CMIP: variants seen among roughly 807,000 people sequenced by gnomAD.
CMIP encodes the protein c-Maf inducing protein.
A neutral mutation model predicts 97.3 loss-of-function variants in CMIP; 13 were observed. That is an observed-to-expected ratio of 0.13 (90% CI 0.09 to 0.21). The LOEUF is 0.21. Among genes scored for constraint, CMIP ranks in the 10% least tolerant of loss-of-function variants. The pLI is 1.00. For missense variants in CMIP, 847 were observed against 1,024.9 expected (o/e 0.83, Z 2.37); for synonymous variants, 538 against 436.3 (o/e 1.23, Z -2.91).
chr16:81,513,244 T>G (rs1289845295), intron 1 of CMIP, among the ~76,000 whole-genome samples: 1 of 152,230 alleles, frequency 6.6e-6, no homozygotes, highest in Non-Finnish European at 1.5e-5. Context: ...CCGTTGCTGC[T>G]CACCAGACCC....
intron 2 of CMIP, chr16:81,610,472 A>G: frequency 1.0e-6 from 1 of 986,034 alleles, no homozygotes; most frequent in South Asian, 4.7e-5. Flanking sequence ...TCAGATCCAG[A>G]GCCGGACTCC....
intron 8 of CMIP, among the ~76,000 whole-genome samples, chr16:81,670,483 C>G (rs146107066): frequency 2.0e-5 from 3 of 152,166 alleles, no homozygotes; most frequent in Non-Finnish European, 4.4e-5. Context: ...GTTTAGGACT[C>G]TGTCCCACCC....
intron 1 of CMIP, among the ~76,000 whole-genome samples, chr16:81,543,534 G>A (rs1035325930): frequency 2.0e-5 from 3 of 152,144 alleles, no homozygotes; most frequent in Non-Finnish European, 4.4e-5. Flanking sequence ...AGGAAGGGGG[G>A]TCAGGGTCGT....
rs567134434 is a variant in CMIP at position 81,528,204 on chromosome 16, T to A, written c.301-79363T>A. On this transcript the variant is annotated intron_variant, in intron 1 of 20. Transcript: ENST00000537098. ...TGGAGAAAAATATCCTTCACATTCATGACAACTTCATAGAAAAATAGTATT... is the reference window on the plus strand; with the variant it reads ...TGGAGAAAAATATCCTTCACATTCAAGACAACTTCATAGAAAAATAGTATT... Among the ~76,000 whole-genome samples the A allele has an allele frequency of 4.3e-4, 65 of 152,330 alleles. 1 individual carries two copies. Among genetic ancestry groups the A allele is most frequent in the Non-Finnish European group, 7.8e-4 (53 of 68,022 alleles).
chr16:81,688,304 G>C (rs774605350), intron 10 of CMIP, among the ~76,000 whole-genome samples: 7 of 152,212 alleles, frequency 4.6e-5, no homozygotes, highest in African/African-American at 1.7e-4. Flanking sequence ...TGAACAGCAC[G>C]GTGCTTCCCG....
At chr16:81,673,188 CAG>C (rs976566955) in intron 9 of CMIP, among the ~76,000 whole-genome samples, 5 of 151,994 alleles carry the variant, frequency 3.3e-5, no homozygotes, top group African/African-American at 1.2e-4. Flanking sequence ...CACTGGGGGA[CAG>C]GGAAGGGAGG....
chr16:81,670,319 C>A, intron 8 of CMIP, 74 bp downstream of exon 8: 1 of 1,453,520 alleles, frequency 6.9e-7, no homozygotes, highest in South Asian at 1.2e-5. Flanking sequence ...CTCAGATATC[C>A]ACGGGGGGCT....
At chr16:81,672,306 A>G (rs1187429676) in intron 9 of CMIP, among the ~76,000 whole-genome samples, 1 of 152,240 alleles carries the variant, frequency 6.6e-6, no homozygotes. Context: ...AGGCTGTTAG[A>G]GCTGCTTGGC....
rs1043542216 is a variant in CMIP, at chr16:81,575,076, C to G, written c.301-32491C>G. 4.6e-5 allele frequency among the ~76,000 whole-genome samples: 7 copies of G among 152,170 alleles called. No individual in the cohort carries two copies. The East Asian group carries it at 1.2e-3, about 25-fold the overall frequency. On this transcript the variant is annotated intron_variant, in intron 1 of 20. Transcript: ENST00000537098. ...TGAACCTGCTCAAGGAGAGTTGCCT[C>G]GTAATATAATAACTGAGTAACTGAG...
At chr16:81,644,075 TAGCC>T (rs1376656636) in intron 3 of CMIP, among the ~76,000 whole-genome samples, 2 of 152,210 alleles carry the variant, frequency 1.3e-5, no homozygotes, top group Admixed American at 1.3e-4. Flanking sequence ...GTTGACCCTA[TAGCC>T]CTGACCTGTA....
intron 3 of CMIP, among the ~76,000 whole-genome samples, chr16:81,633,010 C>T (rs2092185247): frequency 1.3e-5 from 2 of 152,124 alleles, no homozygotes; most frequent in African/African-American, 4.8e-5. Flanking sequence ...GGGACCCGAG[C>T]GTTCGTGTGT....
At chr16:81,595,015 A>G (rs997720955) in intron 1 of CMIP, among the ~76,000 whole-genome samples, 4 of 150,234 alleles carry the variant, frequency 2.7e-5, no homozygotes, top group East Asian at 2.0e-4. Context: ...ATATACTACA[A>G]TAAAGGTAAT....
chr16:81,494,647 G>A (rs988122177), intron 1 of CMIP, among the ~76,000 whole-genome samples: 7 of 152,080 alleles, frequency 4.6e-5, no homozygotes, highest in Admixed American at 1.3e-4. Context: ...CGATGCCTCC[G>A]CTGATGCTTA....
At chr16:81,705,210 G>A (rs1242259653) in intron 18 of CMIP, among the ~76,000 whole-genome samples, 5 of 152,210 alleles carry the variant, frequency 3.3e-5, no homozygotes, top group African/African-American at 9.6e-5. Context: ...GCAGCATCTC[G>A]AAGCTAGGGA....
At chr16:81,692,542 T>C (rs567679521) in intron 11 of CMIP, among the ~76,000 whole-genome samples, 1 of 152,346 alleles carries the variant, frequency 6.6e-6, no homozygotes, top group African/African-American at 2.4e-5. Flanking sequence ...AGGAGCCGAT[T>C]ACCAAGCGTG....
chr16:81,521,433 C>A (rs981016301), intron 1 of CMIP, among the ~76,000 whole-genome samples: 2 of 152,046 alleles, frequency 1.3e-5, no homozygotes, highest in Non-Finnish European at 2.9e-5. Flanking sequence ...CTCTGTAGAA[C>A]CACCGGTGAC....
intron 1 of CMIP, among the ~76,000 whole-genome samples, chr16:81,496,863 T>C (rs2089500769): frequency 6.6e-6 from 1 of 152,196 alleles, no homozygotes; most frequent in Non-Finnish European, 1.5e-5. Context: ...AAGGACAAGT[T>C]CAAGAGGGAG....
chr16:81,447,014 C>A (rs915008857), intron 1 of CMIP, among the ~76,000 whole-genome samples: 1 of 152,232 alleles, frequency 6.6e-6, no homozygotes, highest in African/African-American at 2.4e-5. Flanking sequence ...GCGGCCCAGT[C>A]CCCGGTCAGG....
intron 3 of CMIP, among the ~76,000 whole-genome samples, chr16:81,622,844 T>C (rs2092010691): frequency 1.3e-5 from 2 of 152,186 alleles, no homozygotes; most frequent in South Asian, 4.1e-4. Context: ...ATGATGGGCA[T>C]AGAAATGGAC....
Sources: gnomAD v4.1 joint callset for allele counts (sites outside exome capture counted in the v4.1 genomes callset) on GRCh38, gnomAD v4.1.1 for gene constraint, MANE v1.5 for transcripts, NCBI Gene and HGNC (gene_info 2026-07-23, HGNC 2026-07-21) for gene names.